Variants in PREP observed in about 807,000 individuals in gnomAD.
PREP encodes dJ355L5.1 (prolyl endopeptidase).
Under a neutral mutation model 87.6 loss-of-function variants are expected in PREP, and 29 were observed. The observed-to-expected ratio is 0.33, with a 90% CI of 0.25 to 0.45. PREP has a LOEUF of 0.45. Ranked by LOEUF, PREP falls within the 20% of genes least tolerant of loss-of-function variation. The pLI, the probability that PREP is intolerant of heterozygous loss-of-function variation, is 1.00. For synonymous variants in PREP, 337 were observed against 328.6 expected (o/e 1.03, Z -0.28); for missense variants, 695 against 886.5 (o/e 0.78, Z 2.74).
intron 6 of PREP, among the ~76,000 whole-genome samples, chr6:105,357,621 T>C (rs1772133958): frequency 6.6e-6 from 1 of 152,208 alleles, no homozygotes; most frequent in African/African-American, 2.4e-5. Flanking sequence ...TAAGTCACTG[T>C]TGCCCCAAAA....
intron 6 of PREP, among the ~76,000 whole-genome samples, chr6:105,359,356 C>T (rs1224851199): frequency 6.6e-6 from 1 of 152,132 alleles, no homozygotes; most frequent in African/African-American, 2.4e-5. Context: ...GGGTGGTGAG[C>T]TGGACGGAAA....
chr6:105,336,571 C>G (rs762465289), intron 7 of PREP, among the ~76,000 whole-genome samples: 11 of 152,108 alleles, frequency 7.2e-5, no homozygotes, highest in Non-Finnish European at 1.3e-4. Context: ...TGAATTGAAC[C>G]TTTTATTGAA....
intron 10 of PREP, among the ~76,000 whole-genome samples, chr6:105,317,943 C>G (rs1411556505): frequency 6.6e-6 from 1 of 152,216 alleles, no homozygotes; most frequent in Non-Finnish European, 1.5e-5. Context: ...TTTCTGCTGT[C>G]AACAATTACA....
chr6:105,297,585 T>G (rs1417768927), intron 10 of PREP, among the ~76,000 whole-genome samples: 2 of 152,228 alleles, frequency 1.3e-5, no homozygotes, highest in East Asian at 3.9e-4. Flanking sequence ...GAGTGTCCAC[T>G]GTGCACACAG....
In PREP at chr6:105,273,223, CTT is replaced by C. The variant is rs1395786744; in HGVS notation, c.*4919_*4920del. 6.6e-6 allele frequency: 1 copy of C among 152,144 alleles called. No homozygotes were observed. The highest frequency in any genetic ancestry group is 1.5e-5 in the Non-Finnish European group (1 of 68,024). The allele number at this position is 152,144 out of a possible 1,614,324, so 9.4% of individuals were successfully genotyped here. A position where few individuals can be genotyped will look rare whatever the true frequency, so the allele number is the denominator to read the frequency against. ...CACTCATCCAGAAAGGGTCATTGCT[CTT>C]TTTTCTCTTTATTTCACTACCAGAG... On this transcript the variant is annotated 3_prime_UTR_variant, in exon 15 of 15. Transcript: ENST00000652536.
intron 11 of PREP, 131 bp from the exon 12 acceptor site, chr6:105,285,711 T>C (rs547960147): frequency 1.5e-6 from 1 of 672,570 alleles, no homozygotes; most frequent in Admixed American, 2.7e-5. Flanking sequence ...GCTTGACATT[T>C]CTTTTATTGC....
At chr6:105,340,959 C>A (rs1035520955) in intron 7 of PREP, among the ~76,000 whole-genome samples, 14 of 152,200 alleles carry the variant, frequency 9.2e-5, no homozygotes, top group African/African-American at 3.4e-4. Context: ...TAACACCCCA[C>A]TGTCAACATT....
At chr6:105,360,715 A>C (rs1562215426) in intron 6 of PREP, among the ~76,000 whole-genome samples, 1 of 152,234 alleles carries the variant, frequency 6.6e-6, no homozygotes, top group Non-Finnish European at 1.5e-5. Flanking sequence ...CATATTCAGG[A>C]AAATAACTCC....
chr6:105,382,885 A>G (rs1772885356), intron 2 of PREP, among the ~76,000 whole-genome samples: 1 of 152,214 alleles, frequency 6.6e-6, no homozygotes, highest in Non-Finnish European at 1.5e-5. Context: ...CATCTGTTAC[A>G]AATAACAGAT....
At chr6:105,356,781 G>A (rs1267572324) in intron 6 of PREP, among the ~76,000 whole-genome samples, 1 of 152,176 alleles carries the variant, frequency 6.6e-6, no homozygotes, top group Non-Finnish European at 1.5e-5. Context: ...GTGTACAGCA[G>A]GAGGACTAGT....
At chr6:105,397,276 C>A (rs1343048556) in intron 2 of PREP, among the ~76,000 whole-genome samples, 3 of 151,902 alleles carry the variant, frequency 2.0e-5, no homozygotes, top group African/African-American at 2.4e-5. Flanking sequence ...TTAGGGCCAC[C>A]TTCATTACTG....
intron 7 of PREP, among the ~76,000 whole-genome samples, chr6:105,346,115 TA>T: frequency 6.6e-6 from 1 of 152,326 alleles, no homozygotes; most frequent in South Asian, 2.1e-4. Context: ...ACAGATTTCC[TA>T]CAAACTCCCT....
chr6:105,373,454 T>C lies in PREP; in HGVS notation c.510A>G (p.Arg170=), dbSNP rs1210749031. 2 of 1,614,116 alleles carry C rather than the reference T, an allele frequency of 1.2e-6. No individual in the cohort carries two copies. Among genetic ancestry groups the C allele is most frequent in the African/African-American group, 1.3e-5 (1 of 74,938 alleles). ...TCCAGGCCATACAGCTGAACTTGAC[T>C]CTTTCAAGCACATCTGGAAGCTCTT... ...GAKELPDVLE[R]VKFSCMAWTH... The change falls in exon 5 of 15, where the codon AGA becomes AGG. Residue 170 remains arginine (R), a synonymous_variant. Transcript: ENST00000652536.
rs1343324173 is a variant in PREP, at chr6:105,278,140, CTG to C, written c.*2_*3del. 1 of 1,604,432 alleles carries C rather than the reference CTG, an allele frequency of 6.2e-7. No homozygotes were observed. Among genetic ancestry groups the C allele is most frequent in the Non-Finnish European group, 8.5e-7 (1 of 1,173,112 alleles). ...TCGCTGTCAGGAGGAAGCACGAAAA[CTG>C]TTTATGGAATCCAGTCGACGTTCAG... is the stretch of plus-strand genomic sequence containing the variant. On this transcript the variant is annotated 3_prime_UTR_variant, in exon 15 of 15. Transcript: ENST00000652536. The surrounding 1 kb of genome is among the most constrained non-coding windows in gnomAD (Gnocchi z 4.2).
chr6:105,381,335 A>C lies in PREP; in HGVS notation c.121-3816T>G, dbSNP rs139767115. 7.4e-3 allele frequency among the ~76,000 whole-genome samples: 1,128 copies of C among 152,330 alleles called. 6 individuals carry two copies. Among genetic ancestry groups the C allele is most frequent in the Non-Finnish European group, 0.011 (759 of 68,032 alleles). ...ATTTAGGGTTACATAAATGCCAATA[A>C]TATTTCTGATATTTTAACCAGGGAA... is the stretch of plus-strand genomic sequence containing the variant. On this transcript the variant is annotated intron_variant, in intron 2 of 14. Transcript: ENST00000652536.
intron 7 of PREP, among the ~76,000 whole-genome samples, chr6:105,336,967 A>ATT (rs138564056): frequency 2.7e-5 from 4 of 149,170 alleles, no homozygotes; most frequent in African/African-American, 9.8e-5. Flanking sequence ...GTTAATAATC[A>ATT]TTTTTTTTTT....
rs1769900117 is a variant in PREP at position 105,274,657 on chromosome 6, A to G, written c.*3487T>C. Among the ~76,000 whole-genome samples the G allele has an allele frequency of 6.6e-6, 1 of 152,164 alleles. No individual in the cohort carries two copies. Among genetic ancestry groups the G allele is most frequent in the South Asian group, 2.1e-4 (1 of 4,824 alleles). ...ATGGTATGCGCCTGTAATACCAGCT[A>G]CTGGGAAGGCTGAGGCAGGAGAATC... On this transcript the variant is annotated 3_prime_UTR_variant, in exon 15 of 15. Transcript: ENST00000652536.
chr6:105,394,861 G>GC (rs1773249132), intron 2 of PREP, among the ~76,000 whole-genome samples: 1 of 152,206 alleles, frequency 6.6e-6, no homozygotes, highest in Admixed American at 6.5e-5. Flanking sequence ...GCAAATACCT[G>GC]AGAATGGAGA....
intron 10 of PREP, among the ~76,000 whole-genome samples, chr6:105,291,316 G>A (rs1038194157): frequency 3.3e-5 from 5 of 152,122 alleles, no homozygotes; most frequent in Non-Finnish European, 5.9e-5. Flanking sequence ...TTTCATGAAG[G>A]ATTTCTCTGT....
Sources: gnomAD v4.1 joint callset for allele counts (sites outside exome capture counted in the v4.1 genomes callset) on GRCh38, gnomAD v4.1.1 for gene constraint, Gnocchi (gnomAD v3.1) non-coding constraint, MANE v1.5 for transcripts, NCBI Gene and HGNC (gene_info 2026-07-23, HGNC 2026-07-21) for gene names.